Variants in FILIP1L observed in about 807,000 individuals in gnomAD.
FILIP1L encodes filamin A-interacting protein 1-like.
Under a neutral mutation model 96.6 loss-of-function variants are expected in FILIP1L, and 55 were observed. That is an observed-to-expected ratio of 0.57 (90% CI 0.46 to 0.71). The LOEUF (loss-of-function observed/expected upper bound fraction) is 0.71, where lower values mean the gene tolerates loss of function less well. FILIP1L is among the 30% of genes least tolerant of loss of function. The pLI is 0.00. For missense variants in FILIP1L, 1,304 were observed against 1,321.2 expected, an observed-to-expected ratio of 0.99 and a Z score of 0.20; for synonymous variants, 467 against 473.9, an observed-to-expected ratio of 0.99 and a Z score of 0.19.
intron 5 of FILIP1L, among the ~76,000 whole-genome samples, chr3:99,839,721 A>ATT (rs1943047512): frequency 6.6e-6 from 1 of 152,192 alleles, no homozygotes; most frequent in Admixed American, 6.5e-5. Context: ...ACAAATATAG[A>ATT]TGTTCAAGTA....
intron 1 of FILIP1L, among the ~76,000 whole-genome samples, chr3:100,033,503 C>G (rs557137650): frequency 6.6e-6 from 1 of 152,332 alleles, no homozygotes; most frequent in South Asian, 2.1e-4. Flanking sequence ...TAAGCAAACA[C>G]TGTCTTCAAG....
At chr3:99,878,830 G>A (rs1446498332) in intron 4 of FILIP1L, among the ~76,000 whole-genome samples, 7 of 152,168 alleles carry the variant, frequency 4.6e-5, no homozygotes, top group Admixed American at 2.6e-4. Context: ...GGCATTGTGC[G>A]CCATTGGCCA....
At chr3:99,881,326 T>C (rs1478287606) in intron 4 of FILIP1L, among the ~76,000 whole-genome samples, 1 of 152,190 alleles carries the variant, frequency 6.6e-6, no homozygotes, top group Non-Finnish European at 1.5e-5. Flanking sequence ...TGTGTTTCCT[T>C]GGTAACTAAT....
intron 1 of FILIP1L, among the ~76,000 whole-genome samples, chr3:99,933,290 G>C (rs1388390267): frequency 6.6e-6 from 1 of 152,160 alleles, no homozygotes; most frequent in Non-Finnish European, 1.5e-5. Context: ...CGGTATAGAT[G>C]AACAATGATG....
intron 1 of FILIP1L, among the ~76,000 whole-genome samples, chr3:99,950,980 G>T (rs751291720): frequency 1.3e-5 from 2 of 152,214 alleles, no homozygotes; most frequent in Non-Finnish European, 2.9e-5. Context: ...CTCAAAACTT[G>T]TTAAGAGGGA....
intron 4 of FILIP1L, among the ~76,000 whole-genome samples, chr3:99,915,078 C>T (rs1200706248): frequency 2.0e-5 from 3 of 152,248 alleles, no homozygotes; most frequent in Non-Finnish European, 2.9e-5. Context: ...ATGATAAGGG[C>T]ACCATATGCT....
At chr3:100,085,097 T>C (rs2065987140) in intron 1 of FILIP1L, among the ~76,000 whole-genome samples, 1 of 152,202 alleles carries the variant, frequency 6.6e-6, no homozygotes, top group Admixed American at 6.5e-5. Context: ...AAGTGGTGGT[T>C]TCCAGCCCAG....
chr3:100,077,386 G>C (rs557220509), intron 1 of FILIP1L, among the ~76,000 whole-genome samples: 2 of 152,302 alleles, frequency 1.3e-5, no homozygotes, highest in South Asian at 4.1e-4. Context: ...GAGTGTTTCA[G>C]GACAGCAACC....
chr3:99,881,128 C>CCCTT (rs1367278269), intron 4 of FILIP1L, among the ~76,000 whole-genome samples: 1 of 152,056 alleles, frequency 6.6e-6, no homozygotes, highest in East Asian at 1.9e-4. Flanking sequence ...AGACTTCCTA[C>CCCTT]CCTTGGTTTA....
intron 1 of FILIP1L, among the ~76,000 whole-genome samples, chr3:99,952,803 G>C (rs139983964): frequency 1.5e-4 from 23 of 152,140 alleles, no homozygotes; most frequent in African/African-American, 5.5e-4. Context: ...ACAAGAAAAC[G>C]TGTCTTACAG....
At chr3:100,092,172 C>A (rs1028043148) in intron 1 of FILIP1L, among the ~76,000 whole-genome samples, 2 of 152,122 alleles carry the variant, frequency 1.3e-5, no homozygotes, top group African/African-American at 4.8e-5. Context: ...TTTATCATGG[C>A]TTTCAAAGTT....
At chr3:99,851,619 G>T (rs979787408) in intron 4 of FILIP1L, among the ~76,000 whole-genome samples, 1 of 152,178 alleles carries the variant, frequency 6.6e-6, no homozygotes, top group Non-Finnish European at 1.5e-5. Flanking sequence ...GGTATTAGTT[G>T]TTGCTGCTGT....
At position 99,850,774 on chromosome 3, in the gene FILIP1L, T is replaced by A. The variant is rs200063315; in HGVS notation, c.902A>T (p.Lys301Met). ...AATTGTGTCTTGGTCTTGGTGAAAC[T>A]TTGTGGTCTGCGTTTGCAGTTCCTT... ...LEKELQTQTT[K>M]FHQDQDTIMA... Residue 301 changes from lysine (K) to methionine (M), a missense_variant, in exon 5 of 6, where the codon AAG becomes ATG. Coordinates refer to ENST00000477258, the MANE Select transcript of FILIP1L (RefSeq NM_001387850.1). 1,119 of 1,614,212 alleles carry A rather than the reference T, an allele frequency of 6.9e-4. 1 individual carries two copies. Among genetic ancestry groups the A allele is most frequent in the Non-Finnish European group, 8.9e-4 (1,045 of 1,180,048 alleles).
At position 100,062,156 on chromosome 3, in the gene FILIP1L, G is replaced by A. The variant is rs535115597; in HGVS notation, c.-11+51897C>T. ...AGACGGAGTGTTGCTCTGTCCCCCA[G>A]GCTGGAGTGCAGTGGCGCGATCTTG... On this transcript the variant is annotated intron_variant, in intron 1 of 5. Coordinates refer to ENST00000477258, the MANE Select transcript of FILIP1L (RefSeq NM_001387850.1). Among the ~76,000 whole-genome samples the A allele has an allele frequency of 2.9e-3, 361 of 123,246 alleles. 8 individuals are homozygous for A. The Admixed American group carries it at 0.03, about 10-fold the overall frequency. The allele number at this position is 123,246 out of a possible 152,430, so 80.9% of individuals were successfully genotyped here. A position where few individuals can be genotyped will look rare whatever the true frequency, so the allele number is the denominator to read the frequency against.
Position 99,849,445 on chromosome 3 carries a change from G to T in FILIP1L, c.2231C>A (p.Ser744Ter). 6.2e-7 allele frequency: 1 copy of T among 1,614,056 alleles called. No individual in the cohort carries two copies. Among genetic ancestry groups the T allele is most frequent in the Non-Finnish European group, 8.5e-7 (1 of 1,179,982 alleles). Residue 744 changes from serine to a stop codon, truncating the protein, a stop_gained, in exon 5 of 6, where the codon TCA (serine) becomes TAA (stop). Coordinates refer to ENST00000477258, the MANE Select transcript of FILIP1L (RefSeq NM_001387850.1). LOFTEE classifies it high-confidence loss of function. ...DLICHLQGDH[S>*]VLQKKLNQQE... ...TTGATTTAGTTTTTTTTGCAGGACTGAGTGATCTCCCTGGAGGTGACATAT... is the reference window on the plus strand; with the variant it reads ...TTGATTTAGTTTTTTTTGCAGGACTTAGTGATCTCCCTGGAGGTGACATAT...
intron 1 of FILIP1L, among the ~76,000 whole-genome samples, chr3:99,959,269 C>T (rs923165387): frequency 1.6e-4 from 25 of 152,168 alleles, no homozygotes; most frequent in African/African-American, 5.3e-4. Flanking sequence ...CATGCCTCAG[C>T]CTCCTGAGTA....
At chr3:100,037,873 C>A (rs2065133658) in intron 1 of FILIP1L, among the ~76,000 whole-genome samples, 1 of 151,828 alleles carries the variant, frequency 6.6e-6, no homozygotes, top group Non-Finnish European at 1.5e-5. Flanking sequence ...TCACAATTAC[C>A]TGAGTAGCTT....
rs149735531 is a variant in FILIP1L, at chr3:99,879,902, A to G, written c.606-28832T>C. Among the ~76,000 whole-genome samples the G allele has an allele frequency of 2.4e-3, 358 of 152,296 alleles. 1 individual carries two copies. Among genetic ancestry groups the G allele is most frequent in the African/African-American group, 7.4e-3 (309 of 41,566 alleles). ...ATTGCATAGGGAGAGGTATAGTTCC[A>G]TGGTCCTGCATTGCTTCAGACTACA... On this transcript the variant is annotated intron_variant, in intron 4 of 5. Coordinates refer to ENST00000477258, the MANE Select transcript of FILIP1L (RefSeq NM_001387850.1).
intron 1 of FILIP1L, among the ~76,000 whole-genome samples, chr3:100,023,910 A>G (rs1420761255): frequency 6.6e-6 from 1 of 152,180 alleles, no homozygotes; most frequent in East Asian, 1.9e-4. Flanking sequence ...AACTGGGGAG[A>G]GAGGAGTAGA....
Sources: gnomAD v4.1 joint callset for allele counts (sites outside exome capture counted in the v4.1 genomes callset) on GRCh38, gnomAD v4.1.1 for gene constraint, MANE v1.5 for transcripts, NCBI Gene and HGNC (gene_info 2026-07-23, HGNC 2026-07-21) for gene names.